The following XRCC6 variants were observed in gnomAD, a reference collection of about 807,000 sequenced individuals.
XRCC6 encodes DNA repair protein Ku70.
Under a neutral mutation model 65.7 loss-of-function variants are expected in XRCC6, and 5 were observed. That is an observed-to-expected ratio of 0.08 (90% confidence interval 0.04 to 0.16). The LOEUF (loss-of-function observed/expected upper bound fraction) is 0.16. Among genes scored for constraint, XRCC6 ranks in the 10% least tolerant of loss-of-function variants. The pLI is 1.00. For synonymous variants in XRCC6, 270 were observed against 270.6 expected (o/e 1.00, Z 0.02); for missense variants, 447 against 738.1 (o/e 0.61, Z 4.57).
intron 4 of XRCC6, 124 bp from the exon 5 acceptor site, chr22:41,636,392 G>A (rs1601536619): frequency 1.3e-6 from 2 of 1,491,562 alleles, no homozygotes; most frequent in East Asian, 4.6e-5. Context: ...GCTCGATGTG[G>A]ACTTTGTTAA....
chr22:41,637,547 G>T (rs2067822432), intron 5 of XRCC6, 61 bp from the exon 6 acceptor site: 18 of 1,402,656 alleles, frequency 1.3e-5, no homozygotes, highest in Non-Finnish European at 1.6e-5. Context: ...TTAACTGAAA[G>T]AACTTCTCAC....
chr22:41,656,871 C>A, intron 9 of XRCC6, 32 bp from the exon 10 acceptor site: 2 of 1,611,380 alleles, frequency 1.2e-6, no homozygotes, highest in South Asian at 1.1e-5. Context: ...CACTTGAAGT[C>A]AAATCAAAGA....
chr22:41,632,692 G>A (rs1420209466), intron 3 of XRCC6, among the ~76,000 whole-genome samples: 1 of 151,954 alleles, frequency 6.6e-6, no homozygotes, highest in African/African-American at 2.4e-5. Flanking sequence ...GTGTGGTGGT[G>A]TGCACTTGTA....
intron 3 of XRCC6, among the ~76,000 whole-genome samples, chr22:41,633,721 C>T (rs1408472816): frequency 6.6e-6 from 1 of 152,034 alleles, no homozygotes; most frequent in Non-Finnish European, 1.5e-5. Context: ...AGCTACATAC[C>T]TTCCCCTCAA....
At chr22:41,642,199 C>T (rs1239516137) in intron 6 of XRCC6, among the ~76,000 whole-genome samples, 1 of 152,102 alleles carries the variant, frequency 6.6e-6, no homozygotes, top group African/African-American at 2.4e-5. Context: ...TACAGATTTC[C>T]TTTCTTTGGG....
intron 3 of XRCC6, among the ~76,000 whole-genome samples, chr22:41,628,980 A>AC (rs769708817): frequency 4.6e-4 from 70 of 151,374 alleles, no homozygotes; most frequent in Non-Finnish European, 8.8e-4. Flanking sequence ...AAAAAAAAAA[A>AC]AAAAAAAAAC....
At chr22:41,660,782 C>T (rs2068092387) in intron 11 of XRCC6, among the ~76,000 whole-genome samples, 1 of 152,140 alleles carries the variant, frequency 6.6e-6, no homozygotes, top group South Asian at 2.1e-4. Flanking sequence ...CACCTCCTCT[C>T]TCTCACTGGG....
chr22:41,654,883 C>T (rs955408762), intron 9 of XRCC6, among the ~76,000 whole-genome samples: 8 of 152,322 alleles, frequency 5.3e-5, no homozygotes, highest in Admixed American at 2.6e-4. Context: ...AGGGCCGCAA[C>T]CACAGTTTTG....
intron 8 of XRCC6, among the ~76,000 whole-genome samples, chr22:41,651,180 C>G (rs539941292): frequency 5.3e-5 from 8 of 152,064 alleles, no homozygotes; most frequent in Admixed American, 3.9e-4. Context: ...CGCCTGTGAT[C>G]CCAGCTACCT....
At chr22:41,662,522 T>TA (rs2068109229) in intron 12 of XRCC6, among the ~76,000 whole-genome samples, 1 of 152,190 alleles carries the variant, frequency 6.6e-6, no homozygotes, top group South Asian at 2.1e-4. Flanking sequence ...TATCCACACT[T>TA]ACCTATCTCA....
Position 41,657,012 on chromosome 22 carries a change from G to A in XRCC6, c.1401G>A (p.Glu467=). The A allele has an allele frequency of 6.3e-7, 1 of 1,594,208 alleles. No individual in the cohort carries two copies. The highest frequency in any genetic ancestry group is 8.5e-7 in the Non-Finnish European group (1 of 1,174,208). Residue 467 remains glutamate (E), a synonymous_variant, in exon 10 of 13, where the codon GAG becomes GAA. Coordinates refer to ENST00000360079, the MANE Select transcript of XRCC6 (RefSeq NM_001469.5). ...EQVGKMKAIV[E]KLRFTYRSDS... ...TGGGCAAGATGAAGGCTATCGTTGA[G>A]AAGCTTCGCTTCACATACAGGTGAG...
At chr22:41,657,953 A>G (rs1276972194) in intron 10 of XRCC6, among the ~76,000 whole-genome samples, 2 of 152,246 alleles carry the variant, frequency 1.3e-5, no homozygotes, top group East Asian at 1.9e-4. Context: ...CCTCCTGAGT[A>G]GCTGGGACCA....
At chr22:41,638,860 C>G (rs373481100) in intron 6 of XRCC6, among the ~76,000 whole-genome samples, 2 of 149,186 alleles carry the variant, frequency 1.3e-5, no homozygotes, top group East Asian at 2.0e-4. Context: ...ATGGAACTTA[C>G]AAGACTAGAA....
chr22:41,630,324 T>C (rs2067726500), intron 3 of XRCC6, among the ~76,000 whole-genome samples: 1 of 151,798 alleles, frequency 6.6e-6, no homozygotes, highest in Non-Finnish European at 1.5e-5. Flanking sequence ...TTGCTCAGGC[T>C]GGTTTGGAAC....
chr22:41,648,129 CAAA>C (rs2067955484), intron 7 of XRCC6: 1 of 144,900 alleles, frequency 6.9e-6, no homozygotes, highest in Non-Finnish European at 1.5e-5. Context: ...GGAAAAGGAA[CAAA>C]GAAATCTGTA....
intron 7 of XRCC6, 72 bp from the exon 8 acceptor site, chr22:41,650,651 G>T: frequency 7.9e-6 from 12 of 1,517,926 alleles, no homozygotes; most frequent in Non-Finnish European, 1.1e-5. Context: ...ACTTGCTAGT[G>T]TCATCATCTT....
intron 6 of XRCC6, 68 bp downstream of exon 6, chr22:41,637,859 T>C: frequency 6.6e-7 from 1 of 1,512,288 alleles, no homozygotes; most frequent in Non-Finnish European, 8.9e-7. Context: ...GCGCGGTGGC[T>C]CACACCTGTA....
In XRCC6 at chr22:41,657,031, A is replaced by G. The variant is rs1334035620; in HGVS notation, c.1420A>G (p.Arg474Gly). Residue 474 changes from arginine (R) to glycine (G), a missense_variant and splice_region_variant, in exon 10 of 13, where the codon AGA becomes GGA. Arg to Gly is a moderately radical substitution (Grantham distance 125). Coordinates refer to ENST00000360079, the MANE Select transcript of XRCC6 (RefSeq NM_001469.5). ...AIVEKLRFTY[R>G]SDSFENPVLQ... ...CGTTGAGAAGCTTCGCTTCACATACAGGTGAGTCAATCTCAGGCTTTCTGG... is the reference window on the plus strand; with the variant it reads ...CGTTGAGAAGCTTCGCTTCACATACGGGTGAGTCAATCTCAGGCTTTCTGG... The G allele has an allele frequency of 6.4e-7, 1 of 1,570,530 alleles. No individual in the cohort carries two copies. Among genetic ancestry groups the G allele is most frequent in the Non-Finnish European group, 8.6e-7 (1 of 1,164,524 alleles).
At position 41,637,078 on chromosome 22, in the gene XRCC6, A is replaced by AT. The variant is rs35433922; in HGVS notation, c.589+331dup. Among the ~76,000 whole-genome samples, 799 of 88,538 alleles carry AT rather than the reference A, an allele frequency of 9.0e-3. 6 individuals are homozygous for AT. The highest frequency in any genetic ancestry group is 0.031 in the Middle Eastern group (5 of 160). The allele number at this position is 88,538 out of a possible 152,430, so 58.1% of individuals were successfully genotyped here. A position where few individuals can be genotyped will look rare whatever the true frequency, so the allele number is the denominator to read the frequency against. ...ACTCTGTCAGAACAAGATTGTCTTG[A>AT]TTTTTTTTTTTTTTTTTTTTTTTGA... On this transcript the variant is annotated intron_variant, in intron 5 of 12. Coordinates refer to ENST00000360079, the MANE Select transcript of XRCC6 (RefSeq NM_001469.5).
Sources: allele counts gnomAD v4.1 joint callset (sites outside exome capture counted in the v4.1 genomes callset), GRCh38; gene constraint gnomAD v4.1.1; transcripts MANE v1.5; gene names NCBI Gene and HGNC (gene_info 2026-07-23, HGNC 2026-07-21).